Variants in COLEC12 observed in about 807,000 individuals in gnomAD.
The protein encoded by COLEC12 is collectin subfamily member 12, also known as collectin-12.
A neutral mutation model predicts 71.1 loss-of-function variants in COLEC12; 33 were observed. The ratio of observed to expected loss-of-function variants is 0.46; its 90% CI spans 0.35 to 0.62. The LOEUF (loss-of-function observed/expected upper bound fraction) is 0.62. Ranked by LOEUF, COLEC12 falls within the 20% of genes least tolerant of loss-of-function variation. COLEC12 has a pLI of 0.00. For synonymous variants in COLEC12, 350 were observed against 353.0 expected, an observed-to-expected ratio of 0.99 and a Z score of 0.10; for missense variants, 765 against 916.1, an observed-to-expected ratio of 0.84 and a Z score of 2.13.
chr18:479,783 TG>T (rs1351310373), intron 2 of COLEC12, among the ~76,000 whole-genome samples: 2 of 152,096 alleles, frequency 1.3e-5, no homozygotes, highest in Non-Finnish European at 2.9e-5. Flanking sequence ...AGGGTGTGTA[TG>T]AGTTTCCTGC....
rs529180143 is a variant in COLEC12 at position 347,465 on chromosome 18, C to T, written c.281-124G>A. 17 of 749,540 alleles carry T rather than the reference C, an allele frequency of 2.3e-5. 1 individual carries two copies. The highest frequency in any genetic ancestry group is 1.6e-4 in the South Asian group (9 of 55,214). 46.4% of individuals were successfully genotyped at this position (749,540 alleles called of 1,614,324 possible). A position where few individuals can be genotyped will look rare whatever the true frequency, so the allele number is the denominator to read the frequency against. On this transcript the variant is annotated intron_variant, in intron 4 of 9. Coordinates refer to ENST00000400256, the MANE Select transcript of COLEC12 (RefSeq NM_130386.3). ...TTAGATGCAAAATTGGCAGTATAAG[C>T]GGACAGCTCTGCATTAGTAAAATGT...
chr18:479,327 G>T (rs1388921103), intron 2 of COLEC12, among the ~76,000 whole-genome samples: 2 of 152,294 alleles, frequency 1.3e-5, no homozygotes, highest in South Asian at 4.1e-4. Context: ...GGGAACCAAC[G>T]CAGGAGAGAT....
chr18:427,754 G>T (rs1916225495), intron 2 of COLEC12, among the ~76,000 whole-genome samples: 2 of 152,042 alleles, frequency 1.3e-5, no homozygotes, highest in South Asian at 4.2e-4. Flanking sequence ...TTTATTTGGG[G>T]CCTACCAAAC....
intron 2 of COLEC12, among the ~76,000 whole-genome samples, chr18:425,218 G>A (rs569463561): frequency 5.3e-5 from 8 of 152,136 alleles, no homozygotes; most frequent in African/African-American, 1.2e-4. Flanking sequence ...ACTCAAACCC[G>A]TGAGTTGCAG....
chr18:478,111 G>A (rs912169347), intron 2 of COLEC12, among the ~76,000 whole-genome samples: 1 of 152,136 alleles, frequency 6.6e-6, no homozygotes, highest in African/African-American at 2.4e-5. Context: ...CCACTTTAGG[G>A]TTCCAGAGCT....
intron 5 of COLEC12, among the ~76,000 whole-genome samples, chr18:342,750 G>A (rs1914283767): frequency 6.6e-6 from 1 of 152,210 alleles, no homozygotes; most frequent in African/African-American, 2.4e-5. Flanking sequence ...TAGAAAGGGA[G>A]CAGCTTGGTT....
chr18:360,724 G>A (rs1274729335), intron 2 of COLEC12, among the ~76,000 whole-genome samples: 1 of 152,178 alleles, frequency 6.6e-6, no homozygotes, highest in Non-Finnish European at 1.5e-5. Flanking sequence ...GAGGAGCAAG[G>A]ATTTAGTTTA....
intron 2 of COLEC12, among the ~76,000 whole-genome samples, chr18:475,920 G>A (rs976823729): frequency 6.6e-6 from 1 of 152,312 alleles, no homozygotes; most frequent in East Asian, 1.9e-4. Context: ...CTTCAACACA[G>A]ATTTCTCAGG....
Position 481,426 on chromosome 18 carries a change from C to T in COLEC12, c.8-669G>A, listed in dbSNP as rs541848504. ...CCATGGAAAGAAGAGAGATGTCGGCCGGGCGCAGTGGCTCATGGCTGTAAT... is the reference window on the plus strand; with the variant it reads ...CCATGGAAAGAAGAGAGATGTCGGCTGGGCGCAGTGGCTCATGGCTGTAAT... On this transcript the variant is annotated intron_variant, in intron 1 of 9. Transcript: ENST00000400256. 6.6e-5 allele frequency among the ~76,000 whole-genome samples: 10 copies of T among 152,274 alleles called. 1 individual carries two copies. The highest frequency in any genetic ancestry group is 6.8e-3 in the Middle Eastern group (2 of 294).
Position 334,500 on chromosome 18 carries a change from C to T in COLEC12, c.1816+242G>A, listed in dbSNP as rs547406035. 1.2e-4 allele frequency: 41 copies of T among 335,078 alleles called. No individual in the cohort carries two copies. In the East Asian group the frequency reaches 1.2e-3, roughly 10 times the overall value. The allele number at this position is 335,078 out of a possible 1,614,324, so 20.8% of individuals were successfully genotyped here. A position where few individuals can be genotyped will look rare whatever the true frequency, so the allele number is the denominator to read the frequency against. ...AAAATTAGCTGGCTGTGGGGGCACA[C>T]GCTTGTAGTCCCAGCTACCTGGGAG... On this transcript the variant is annotated intron_variant, in intron 6 of 9. Coordinates refer to ENST00000400256, the MANE Select transcript of COLEC12 (RefSeq NM_130386.3).
At chr18:363,240 AAG>A (rs1441754638) in intron 2 of COLEC12, among the ~76,000 whole-genome samples, 3 of 152,200 alleles carry the variant, frequency 2.0e-5, no homozygotes, top group Non-Finnish European at 4.4e-5. Context: ...CAGAAAAAAA[AAG>A]AGTCTCCTTC....
At position 346,396 on chromosome 18, in the gene COLEC12, C is replaced by T. The variant is rs767669859; in HGVS notation, c.1226G>A (p.Arg409Lys). Residue 409 changes from arginine (R) to lysine (K), a missense_variant, in exon 5 of 10, where the codon AGG (arginine) becomes AAG (lysine). Physicochemically the swap from Arg to Lys is conservative, Grantham distance 26. Coordinates refer to ENST00000400256, the MANE Select transcript of COLEC12 (RefSeq NM_130386.3). The surrounding 1 kb of genome is among the most constrained non-coding windows in gnomAD (Gnocchi z 4.0). ...TAAGTTGGCTACTTCAGTGTCTAACCTCGACCTCATCAAATCTTGTTGCAT... is the reference window on the plus strand; with the variant it reads ...TAAGTTGGCTACTTCAGTGTCTAACTTCGACCTCATCAAATCTTGTTGCAT... ...LRMQQDLMRS[R>K]LDTEVANLSV... The T allele has an allele frequency of 2.5e-6, 4 of 1,614,122 alleles. No homozygotes were observed. The South Asian group carries it at 3.3e-5, about 13-fold the overall frequency.
Position 333,055 on chromosome 18 carries a change from A to G in COLEC12, c.1905T>C (p.Cys635=). 6.2e-7 allele frequency: 1 copy of G among 1,612,168 alleles called. No individual in the cohort carries two copies. Among genetic ancestry groups the G allele is most frequent in the Non-Finnish European group, 8.5e-7 (1 of 1,179,438 alleles). ...KEIFEDAKLF[C]EDKSSHLVFI... is the part of the protein sequence containing the mutation. ...AAACAAGATGTGAAGACTTGTCTTC[A>G]CAGAAAAGCTTTGCATCCTCAAAAA... The change falls in exon 7 of 10, where the codon TGT becomes TGC. Residue 635 remains cysteine, a synonymous_variant. Coordinates refer to ENST00000400256, the MANE Select transcript of COLEC12 (RefSeq NM_130386.3).
At chr18:441,109 G>A (rs1401246212) in intron 2 of COLEC12, among the ~76,000 whole-genome samples, 15 of 16,466 alleles carry the variant, frequency 9.1e-4, no homozygotes, top group Non-Finnish European at 3.2e-3. Context: ...TTGGCCAGGC[G>A]TGGTGGCGGG....
At chr18:382,566 C>G (rs1915255812) in intron 2 of COLEC12, among the ~76,000 whole-genome samples, 1 of 152,166 alleles carries the variant, frequency 6.6e-6, no homozygotes. Context: ...CCCTGCTTAC[C>G]TTAGGCTCAA....
At chr18:435,618 C>G (rs1319876179) in intron 2 of COLEC12, among the ~76,000 whole-genome samples, 1 of 151,044 alleles carries the variant, frequency 6.6e-6, no homozygotes, top group African/African-American at 2.4e-5. Context: ...CTCTCTCTAT[C>G]TGGCTAATAC....
chr18:376,038 T>C (rs1229392157), intron 2 of COLEC12, among the ~76,000 whole-genome samples: 1 of 152,188 alleles, frequency 6.6e-6, no homozygotes, highest in Non-Finnish European at 1.5e-5. Context: ...AGTTCCACAT[T>C]AGTGACTGGC....
chr18:417,802 A>C (rs1392985895), intron 2 of COLEC12, among the ~76,000 whole-genome samples: 1 of 152,238 alleles, frequency 6.6e-6, no homozygotes, highest in Non-Finnish European at 1.5e-5. Context: ...TAACAGTATT[A>C]GTTCTCCCTG....
At chr18:426,714 C>T (rs1295336669) in intron 2 of COLEC12, among the ~76,000 whole-genome samples, 2 of 152,060 alleles carry the variant, frequency 1.3e-5, no homozygotes, top group East Asian at 1.9e-4. Context: ...TTTAATAACA[C>T]CTAACATTTA....
Sources: gnomAD v4.1 joint callset for allele counts (sites outside exome capture counted in the v4.1 genomes callset) on GRCh38, gnomAD v4.1.1 for gene constraint, Gnocchi (gnomAD v3.1) non-coding constraint, MANE v1.5 for transcripts, NCBI Gene and HGNC (gene_info 2026-07-23, HGNC 2026-07-21) for gene names.